The following PAX3 variants were observed in gnomAD, a reference collection of about 807,000 sequenced individuals.
PAX3 encodes the protein paired box 3.
PAX3 carries 14 observed loss-of-function variants against 51.6 expected under a neutral mutation model. The ratio of observed to expected loss-of-function variants is 0.27; its 90% CI spans 0.18 to 0.42. The LOEUF is 0.42. Ranked by LOEUF, PAX3 falls within the 10% of genes least tolerant of loss-of-function variation. The pLI is 1.00. For synonymous variants in PAX3, 280 were observed against 253.4 expected, an observed-to-expected ratio of 1.11 and a Z score of -1.00; for missense variants, 540 against 642.8, an observed-to-expected ratio of 0.84 and a Z score of 1.73.
At chr2:222,262,753 C>G (rs1381805756) in intron 4 of PAX3, 1 of 152,018 alleles carries the variant, frequency 6.6e-6, no homozygotes, top group Non-Finnish European at 1.5e-5. Context: ...TCACAGTAAT[C>G]AAGACATTGT....
At chr2:222,208,430 C>T (rs776331786) in intron 7 of PAX3, among the ~76,000 whole-genome samples, 7 of 151,970 alleles carry the variant, frequency 4.6e-5, no homozygotes, top group African/African-American at 9.7e-5. Context: ...CTTATCTGAC[C>T]CTGACACATT....
intron 7 of PAX3, among the ~76,000 whole-genome samples, chr2:222,209,871 G>T (rs999539159): frequency 6.6e-6 from 1 of 151,904 alleles, no homozygotes; most frequent in Non-Finnish European, 1.5e-5. Context: ...AGCCTGGGTG[G>T]CAGAGTGACT....
intron 4 of PAX3, among the ~76,000 whole-genome samples, chr2:222,277,571 T>A (rs771158379): frequency 2.0e-5 from 3 of 152,182 alleles, no homozygotes; most frequent in Non-Finnish European, 4.4e-5. Context: ...GTTCAACCCG[T>A]GGCTCACGGG....
At chr2:222,294,021 C>T in intron 4 of PAX3, 146 bp downstream of exon 4, 1 of 1,551,286 alleles carries the variant, frequency 6.4e-7, no homozygotes, top group Non-Finnish European at 8.7e-7. Flanking sequence ...TCTTTCAGTT[C>T]CATGTCGTTA....
intron 4 of PAX3, among the ~76,000 whole-genome samples, chr2:222,270,498 A>G (rs1220937455): frequency 6.6e-6 from 1 of 152,190 alleles, no homozygotes; most frequent in Admixed American, 6.5e-5. Flanking sequence ...GAAAGAGAAA[A>G]AGAGAGAGGT....
At chr2:222,216,210 A>G (rs902762825) in intron 7 of PAX3, among the ~76,000 whole-genome samples, 1 of 152,208 alleles carries the variant, frequency 6.6e-6, no homozygotes, top group Non-Finnish European at 1.5e-5. Flanking sequence ...TTGTGTTCAT[A>G]GAAGAACTAG....
intron 4 of PAX3, among the ~76,000 whole-genome samples, chr2:222,260,127 A>T (rs1326519392): frequency 6.6e-6 from 1 of 152,188 alleles, no homozygotes; most frequent in Non-Finnish European, 1.5e-5. Flanking sequence ...CTCCTGCCTC[A>T]GTCTCCCAAA....
At chr2:222,252,955 C>T (rs1195208092) in intron 4 of PAX3, among the ~76,000 whole-genome samples, 1 of 152,142 alleles carries the variant, frequency 6.6e-6, no homozygotes, top group East Asian at 1.9e-4. Context: ...TGACCTCTGA[C>T]ATGAACCACC....
rs142331296 is a variant in PAX3, at chr2:222,207,774, A to G, written c.1174-5584T>C. Among the ~76,000 whole-genome samples the G allele has an allele frequency of 9.6e-3, 1,464 of 152,298 alleles. 15 individuals are homozygous for G. Among genetic ancestry groups the G allele is most frequent in the Non-Finnish European group, 0.016 (1,071 of 68,022 alleles). ...TTCTTTACGGACTGATGACTAAAATATAAATCTAGACAGAGAATTAGCGCA... is the reference window on the plus strand; with the variant it reads ...TTCTTTACGGACTGATGACTAAAATGTAAATCTAGACAGAGAATTAGCGCA... On this transcript the variant is annotated intron_variant, in intron 7 of 8. Coordinates refer to ENST00000392070, the MANE Select transcript of PAX3 (RefSeq NM_181458.4).
At chr2:222,285,038 C>A (rs932330359) in intron 4 of PAX3, among the ~76,000 whole-genome samples, 17 of 152,116 alleles carry the variant, frequency 1.1e-4, no homozygotes, top group African/African-American at 4.1e-4. Flanking sequence ...TCAAACAAGA[C>A]AAAAAGCATT....
chr2:222,219,057 T>C (rs1692081344), intron 7 of PAX3, among the ~76,000 whole-genome samples: 1 of 152,192 alleles, frequency 6.6e-6, no homozygotes, highest in Non-Finnish European at 1.5e-5. Context: ...GGCAAAGATA[T>C]ACGAGTCGTT....
At chr2:222,221,098 C>A (rs1692174747) in intron 6 of PAX3, 124 bp downstream of exon 6, 8 of 923,202 alleles carry the variant, frequency 8.7e-6, no homozygotes, top group Non-Finnish European at 1.1e-5. Flanking sequence ...ACGTTCAGGA[C>A]AACCTGATGT....
At chr2:222,233,919 G>A (rs1288018958) in intron 4 of PAX3, among the ~76,000 whole-genome samples, 1 of 152,300 alleles carries the variant, frequency 6.6e-6, no homozygotes, top group East Asian at 1.9e-4. Flanking sequence ...CTGGGGAAAT[G>A]AAGGTGGTGC....
chr2:222,291,317 C>T (rs554276840), intron 4 of PAX3, among the ~76,000 whole-genome samples: 1 of 152,278 alleles, frequency 6.6e-6, no homozygotes, highest in South Asian at 2.1e-4. Flanking sequence ...TAGTGAACCG[C>T]CCAGCCCTCT....
At chr2:222,293,942 G>GA in intron 4 of PAX3, 3 of 1,531,954 alleles carry the variant, frequency 2.0e-6, no homozygotes, top group Non-Finnish European at 2.6e-6. Flanking sequence ...GGTTAAGAAA[G>GA]AAAGATTTAC....
chr2:222,208,236 C>G (rs1212686163), intron 7 of PAX3, among the ~76,000 whole-genome samples: 1 of 151,910 alleles, frequency 6.6e-6, no homozygotes, highest in South Asian at 2.1e-4. Context: ...GCTTTGTGAC[C>G]ATGTCTACAA....
At chr2:222,276,302 G>C (rs1166039372) in intron 4 of PAX3, among the ~76,000 whole-genome samples, 1 of 152,178 alleles carries the variant, frequency 6.6e-6, no homozygotes, top group Non-Finnish European at 1.5e-5. Context: ...AAGAAGAGCC[G>C]GTGTGTTCAC....
intron 4 of PAX3, chr2:222,293,582 C>T (rs1559315571): frequency 3.2e-6 from 5 of 1,581,382 alleles, no homozygotes; most frequent in Admixed American, 1.7e-5. Context: ...CCCAGGCACA[C>T]ACAGGTTAAA....
intron 4 of PAX3, among the ~76,000 whole-genome samples, chr2:222,249,703 C>A (rs561447921): frequency 1.3e-5 from 2 of 152,156 alleles, no homozygotes; most frequent in African/African-American, 4.8e-5. Flanking sequence ...CCCTTGCCCC[C>A]GGGGTCCCGC....
Sources: allele counts gnomAD v4.1 joint callset (sites outside exome capture counted in the v4.1 genomes callset), GRCh38; gene constraint gnomAD v4.1.1; transcripts MANE v1.5; gene names NCBI Gene and HGNC (gene_info 2026-07-23, HGNC 2026-07-21).